Variants in UBAP2 observed in about 807,000 individuals in gnomAD.
UBAP2 encodes ubiquitin associated protein 2.
Under a neutral mutation model 139.6 loss-of-function variants are expected in UBAP2, and 75 were observed. That is an observed-to-expected ratio of 0.54 (90% CI 0.45 to 0.65). The LOEUF (loss-of-function observed/expected upper bound fraction) is 0.65. Ranked by LOEUF, UBAP2 falls within the 30% of genes least tolerant of loss-of-function variation. The probability of loss-of-function intolerance (pLI) is 0.00; values close to 1 mark genes in which losing one functional copy is unlikely to be tolerated. For synonymous variants in UBAP2, 526 were observed against 526.2 expected (o/e 1.00, Z 0.01); for missense variants, 1,368 against 1,369.6 (o/e 1.00, Z 0.02).
chr9:34,004,352 G>T (rs1431386269), intron 2 of UBAP2, among the ~76,000 whole-genome samples: 5 of 152,150 alleles, frequency 3.3e-5, no homozygotes, highest in East Asian at 1.9e-4. Flanking sequence ...AAGTGTGGTG[G>T]TAAGTGCTGT....
At chr9:34,030,430 C>CA (rs1347175398) in intron 1 of UBAP2, among the ~76,000 whole-genome samples, 5 of 151,964 alleles carry the variant, frequency 3.3e-5, no homozygotes, top group Non-Finnish European at 5.9e-5. Flanking sequence ...GCCTGGGCGA[C>CA]AGAGCCAGAT....
At chr9:33,974,209 G>A (rs1587592694) in intron 6 of UBAP2, among the ~76,000 whole-genome samples, 1 of 152,054 alleles carries the variant, frequency 6.6e-6, no homozygotes, top group African/African-American at 2.4e-5. Context: ...AACAAAATCT[G>A]TAACAAAACA....
At position 33,923,383 on chromosome 9, in the gene UBAP2, AC is replaced by A. The variant is rs771453633; in HGVS notation, c.2891del (p.Ser964IlefsTer7). On this transcript the variant is annotated frameshift_variant, in exon 25 of 29. Coordinates refer to ENST00000379238, the MANE Select transcript of UBAP2 (RefSeq NM_001370062.2). LOFTEE classifies it high-confidence loss of function. ...QASGYGQHGYSTGYDDLTQGT... is the reference protein window; with the variant it reads ...QASGYGQHGYXTGYDDLTQGT... ...TGTCTGGGAAGTACCCCTCACCTGT[AC>A]TGTAGCCGTGCTGGCCATAACCACT... The A allele has an allele frequency of 1.2e-6, 2 of 1,613,996 alleles. No individual in the cohort carries two copies. The highest frequency in any genetic ancestry group is 1.7e-6 in the Non-Finnish European group (2 of 1,180,004).
chr9:34,009,794 G>C (rs1823582546), intron 2 of UBAP2, among the ~76,000 whole-genome samples: 1 of 148,666 alleles, frequency 6.7e-6, no homozygotes, highest in African/African-American at 2.5e-5. Context: ...AAAAATAAAT[G>C]ACTTATATTT....
At position 33,922,380 on chromosome 9, in the gene UBAP2, C is replaced by T; in HGVS notation, c.*124G>A. The T allele has an allele frequency of 1.1e-6, 1 of 934,550 alleles. No homozygotes were observed. The highest frequency in any genetic ancestry group is 1.7e-6 in the Non-Finnish European group (1 of 587,796). 57.9% of individuals were successfully genotyped at this position (934,550 alleles called of 1,614,324 possible). On this transcript the variant is annotated 3_prime_UTR_variant, in exon 29 of 29. Coordinates refer to ENST00000379238, the MANE Select transcript of UBAP2 (RefSeq NM_001370062.2). The stretch of plus-strand genomic sequence containing the variant: ...TAGCCAGTCTGGGAGGCAGACTCCC[C>T]ACAGAGGCATGGCTGACACATGTCG...
intron 6 of UBAP2, among the ~76,000 whole-genome samples, chr9:33,974,950 CG>C (rs1310294055): frequency 1.4e-5 from 1 of 70,644 alleles, no homozygotes; most frequent in Non-Finnish European, 2.8e-5. Context: ...GGGGGGGGTG[CG>C]GGGGGGCGGG....
chr9:34,043,052 A>G (rs1295854872), intron 1 of UBAP2, among the ~76,000 whole-genome samples: 1 of 152,128 alleles, frequency 6.6e-6, no homozygotes, highest in Non-Finnish European at 1.5e-5. Flanking sequence ...TGGGCGACAA[A>G]GCAAGACCCT....
At chr9:33,996,457 T>A (rs1387276216) in intron 3 of UBAP2, 124 bp from the exon 4 acceptor site, 2 of 655,570 alleles carry the variant, frequency 3.1e-6, no homozygotes, top group African/African-American at 1.8e-5. Flanking sequence ...TCTAGACTCT[T>A]GAGTTTACAA....
At chr9:33,976,464 G>A (rs561357665) in intron 6 of UBAP2, among the ~76,000 whole-genome samples, 2 of 152,172 alleles carry the variant, frequency 1.3e-5, no homozygotes, top group African/African-American at 2.4e-5. Context: ...TCCATTTACA[G>A]GAAATGTCCA....
chr9:33,999,247 A>G (rs1399703505), intron 2 of UBAP2, among the ~76,000 whole-genome samples: 1 of 151,746 alleles, frequency 6.6e-6, no homozygotes, highest in Non-Finnish European at 1.5e-5. Flanking sequence ...AGGTAGAAGC[A>G]CTGCTTGAGC....
chr9:34,020,965 G>T (rs1230320180), intron 1 of UBAP2, among the ~76,000 whole-genome samples: 1 of 152,066 alleles, frequency 6.6e-6, no homozygotes, highest in African/African-American at 2.4e-5. Context: ...CTGTTTTCTA[G>T]AACGGTCAGT....
intron 16 of UBAP2, among the ~76,000 whole-genome samples, chr9:33,937,405 G>A (rs148435829): frequency 1.2e-4 from 18 of 151,848 alleles, no homozygotes; most frequent in African/African-American, 3.6e-4. Context: ...TCAGGAGATC[G>A]AGACCAGCCT....
chr9:33,980,220 CTTTTTT>C lies in UBAP2; in HGVS notation c.520+6534_520+6539del, dbSNP rs1173781682. Among the ~76,000 whole-genome samples, 114 of 49,120 alleles carry C rather than the reference CTTTTTT, an allele frequency of 2.3e-3. 1 individual carries two copies. The highest frequency in any genetic ancestry group is 6.4e-3 in the African/African-American group (81 of 12,688). The allele number at this position is 49,120 out of a possible 152,430, so 32.2% of individuals were successfully genotyped here. On this transcript the variant is annotated intron_variant, in intron 6 of 28. Transcript: ENST00000379238. ...TTAATCCAAATCCTGAGTGTCATTTCTTTTTTTTTTTTTTTTTTTTTTTTTTTTTTG... is the reference window on the plus strand; with the variant it reads ...TTAATCCAAATCCTGAGTGTCATTTCTTTTTTTTTTTTTTTTTTTTTTTTG...
intron 1 of UBAP2, among the ~76,000 whole-genome samples, chr9:34,034,371 ATTAC>A (rs1251316116): frequency 6.6e-6 from 1 of 152,146 alleles, no homozygotes; most frequent in African/African-American, 2.4e-5. Context: ...TGACATCCTT[ATTAC>A]TTAATCACTC....
intron 8 of UBAP2, among the ~76,000 whole-genome samples, chr9:33,970,649 G>A (rs768919924): frequency 6.6e-6 from 1 of 151,956 alleles, no homozygotes; most frequent in Non-Finnish European, 1.5e-5. Flanking sequence ...AACCAGGCTC[G>A]TCTCAAACTC....
chr9:34,038,894 C>T (rs1272817033), intron 1 of UBAP2, among the ~76,000 whole-genome samples: 1 of 149,996 alleles, frequency 6.7e-6, no homozygotes, highest in Non-Finnish European at 1.5e-5. Flanking sequence ...TCTGCCCCGC[C>T]ACCCCGTCTG....
At chr9:33,937,483 T>G (rs1432681931) in intron 16 of UBAP2, among the ~76,000 whole-genome samples, 1 of 150,726 alleles carries the variant, frequency 6.6e-6, no homozygotes, top group Admixed American at 6.7e-5. Context: ...GACACACACC[T>G]GTAGTTCTAG....
intron 2 of UBAP2, among the ~76,000 whole-genome samples, chr9:34,001,978 C>A (rs927366859): frequency 2.3e-4 from 34 of 149,116 alleles, no homozygotes; most frequent in South Asian, 4.3e-4. Context: ...AAAAAAAAAA[C>A]AAAAAAACAG....
chr9:34,006,134 G>C (rs781276023), intron 2 of UBAP2, among the ~76,000 whole-genome samples: 5 of 151,712 alleles, frequency 3.3e-5, no homozygotes, highest in Non-Finnish European at 5.9e-5. Context: ...TTGGAAAGCC[G>C]AAGCAGGAGA....
Sources: gnomAD v4.1 joint callset for allele counts (sites outside exome capture counted in the v4.1 genomes callset) on GRCh38, gnomAD v4.1.1 for gene constraint, MANE v1.5 for transcripts, NCBI Gene and HGNC (gene_info 2026-07-23, HGNC 2026-07-21) for gene names.